MALRD1: variants seen among roughly 807,000 people sequenced by gnomAD.
MALRD1 encodes the protein MAM and LDL-receptor class A domain-containing protein 1.
MALRD1 carries 247 observed loss-of-function variants against 242.1 expected under a neutral mutation model. The ratio of observed to expected loss-of-function variants is 1.02; its 90% CI spans 0.92 to 1.13. The LOEUF is 1.13. MALRD1 is among the 50% of genes most tolerant of loss of function. MALRD1 has a pLI of 0.00. For missense variants in MALRD1, 2,989 were observed against 2,533.1 expected, an observed-to-expected ratio of 1.18 and a Z score of -3.86; for synonymous variants, 995 against 866.6, an observed-to-expected ratio of 1.15 and a Z score of -2.60.
At chr10:19,193,551 C>T (rs1836087137) in intron 14 of MALRD1, among the ~76,000 whole-genome samples, 1 of 151,964 alleles carries the variant, frequency 6.6e-6, no homozygotes, top group Non-Finnish European at 1.5e-5. Flanking sequence ...GAGACCCCAT[C>T]TCAAAAAAAC....
At chr10:19,390,686 A>C (rs1327991016) in intron 28 of MALRD1, among the ~76,000 whole-genome samples, 2 of 152,108 alleles carry the variant, frequency 1.3e-5, no homozygotes, top group Non-Finnish European at 2.9e-5. Context: ...TTTTAATGAC[A>C]CATGAGCTTT....
intron 28 of MALRD1, among the ~76,000 whole-genome samples, chr10:19,428,176 A>G (rs111655354): frequency 0.01 from 1,585 of 151,956 alleles, 37 homozygotes; most frequent in African/African-American, 0.037. Flanking sequence ...GGCGTTGGCA[A>G]TTAGGAGATG....
At chr10:19,607,135 G>A (rs777832257) in intron 34 of MALRD1, among the ~76,000 whole-genome samples, 7 of 152,160 alleles carry the variant, frequency 4.6e-5, no homozygotes, top group Non-Finnish European at 7.4e-5. Context: ...TGAAATGTTT[G>A]CCTATTGAAG....
chr10:19,709,243 T>TAAAAAAAAAAAAAAAAAAAAAAAAAAAA (rs557818453), intron 38 of MALRD1, among the ~76,000 whole-genome samples: 5 of 105,950 alleles, frequency 4.7e-5, no homozygotes, highest in African/African-American at 1.8e-4. Flanking sequence ...CCGTCTGTAC[T>TAAAAAAAAAAAAAAAAAAAAAAAAAAAA]AAAAAAAAAA....
chr10:19,432,928 ATTACATTCT>A (rs1352161825), intron 28 of MALRD1, among the ~76,000 whole-genome samples: 1 of 152,206 alleles, frequency 6.6e-6, no homozygotes, highest in Non-Finnish European at 1.5e-5. Flanking sequence ...ACATTTTAAA[ATTACATTCT>A]TTACATTCCA....
chr10:19,308,677 G>A (rs973465957), intron 21 of MALRD1, among the ~76,000 whole-genome samples: 7 of 151,472 alleles, frequency 4.6e-5, no homozygotes, highest in Admixed American at 1.3e-4. Flanking sequence ...ATACCTGGCC[G>A]TACTTGTCCT....
At chr10:19,636,915 G>A (rs946372486) in intron 36 of MALRD1, among the ~76,000 whole-genome samples, 9 of 141,628 alleles carry the variant, frequency 6.4e-5, no homozygotes, top group East Asian at 2.0e-4. Flanking sequence ...AAAAAAAAAC[G>A]CAGAGTAGAT....
At chr10:19,674,685 A>T (rs1375425934) in intron 36 of MALRD1, among the ~76,000 whole-genome samples, 1 of 152,218 alleles carries the variant, frequency 6.6e-6, no homozygotes, top group Non-Finnish European at 1.5e-5. Flanking sequence ...CAGACTTCCT[A>T]TGAAAAGAGG....
chr10:19,050,273 G>T (rs1394467598), intron 1 of MALRD1, among the ~76,000 whole-genome samples: 1 of 150,634 alleles, frequency 6.6e-6, no homozygotes, highest in Admixed American at 6.6e-5. Context: ...ATTTTTAGTA[G>T]AGACGGGGTT....
chr10:19,586,363 A>G (rs57742421), intron 33 of MALRD1, among the ~76,000 whole-genome samples: 6,157 of 151,716 alleles, frequency 0.041, 382 homozygotes, highest in African/African-American at 0.13. Context: ...GGTTTTATCT[A>G]CTTTTGGTCT....
At chr10:19,231,612 C>G (rs953970816) in intron 18 of MALRD1, among the ~76,000 whole-genome samples, 1 of 152,114 alleles carries the variant, frequency 6.6e-6, no homozygotes, top group Non-Finnish European at 1.5e-5. Flanking sequence ...GGGAGTTTCC[C>G]TACACAAGCT....
intron 21 of MALRD1, among the ~76,000 whole-genome samples, chr10:19,292,981 T>G (rs1841523525): frequency 1.3e-5 from 2 of 151,904 alleles, no homozygotes; most frequent in Admixed American, 1.3e-4. Context: ...GATATGAATG[T>G]GGATAAAAGC....
chr10:19,625,392 C>T (rs73595873), intron 36 of MALRD1, among the ~76,000 whole-genome samples: 11,821 of 152,064 alleles, frequency 0.078, 1,089 homozygotes, highest in African/African-American at 0.22. Flanking sequence ...TTTTACGCTT[C>T]CCCACCTTGA....
At chr10:19,298,825 G>A (rs1588875477) in intron 21 of MALRD1, among the ~76,000 whole-genome samples, 1 of 152,024 alleles carries the variant, frequency 6.6e-6, no homozygotes, top group Non-Finnish European at 1.5e-5. Flanking sequence ...ATGTTTTGCT[G>A]GGAGACATTT....
At chr10:19,199,436 C>T (rs538635774) in intron 14 of MALRD1, among the ~76,000 whole-genome samples, 2 of 152,268 alleles carry the variant, frequency 1.3e-5, no homozygotes, top group East Asian at 3.9e-4. Context: ...GGGTTAGAAT[C>T]ATGACAATAA....
intron 34 of MALRD1, among the ~76,000 whole-genome samples, chr10:19,604,403 C>T (rs3852479): frequency 0.18 from 26,659 of 152,082 alleles, 2,921 homozygotes; most frequent in Non-Finnish European, 0.24. Context: ...TCTGCTCCAG[C>T]CTAATCTATG....
intron 32 of MALRD1, among the ~76,000 whole-genome samples, chr10:19,560,206 C>T (rs749398132): frequency 2.6e-5 from 4 of 152,296 alleles, no homozygotes; most frequent in East Asian, 1.9e-4. Context: ...TGGTGGCTCA[C>T]GCCTATAATC....
chr10:19,085,961 T>A (rs1235468705), intron 2 of MALRD1, among the ~76,000 whole-genome samples: 1 of 152,096 alleles, frequency 6.6e-6, no homozygotes, highest in African/African-American at 2.4e-5. Flanking sequence ...TATATGCATA[T>A]GGCTGATTAT....
chr10:19,227,800 G>T (rs1837865023), intron 18 of MALRD1, among the ~76,000 whole-genome samples: 1 of 151,776 alleles, frequency 6.6e-6, no homozygotes, highest in Admixed American at 6.6e-5. Flanking sequence ...GACCTAAATG[G>T]GCCAAATATT....
Sources: gnomAD v4.1 joint callset for allele counts (sites outside exome capture counted in the v4.1 genomes callset) on GRCh38, gnomAD v4.1.1 for gene constraint, MANE v1.5 for transcripts, NCBI Gene and HGNC (gene_info 2026-07-23, HGNC 2026-07-21) for gene names.